OLFM2: variants seen among roughly 807,000 people sequenced by gnomAD.
The protein encoded by OLFM2 is olfactomedin 2.
A neutral mutation model predicts 43.9 loss-of-function variants in OLFM2; 20 were observed. The ratio of observed to expected loss-of-function variants is 0.46; its 90% CI spans 0.32 to 0.66. The LOEUF (loss-of-function observed/expected upper bound fraction) is 0.66, where lower values mean the gene tolerates loss of function less well. OLFM2 is among the 30% of genes least tolerant of loss of function. The probability of loss-of-function intolerance (pLI) is 0.04; values close to 1 mark genes in which losing one functional copy is unlikely to be tolerated. For synonymous variants in OLFM2, 268 were observed against 278.6 expected, an observed-to-expected ratio of 0.96 and a Z score of 0.38; for missense variants, 416 against 643.6, an observed-to-expected ratio of 0.65 and a Z score of 3.83.
chr19:9,907,261 C>T (rs779673541), intron 1 of OLFM2, among the ~76,000 whole-genome samples: 10 of 152,066 alleles, frequency 6.6e-5, no homozygotes, highest in Non-Finnish European at 1.2e-4. Flanking sequence ...TTGAGACCAG[C>T]CTGGCTAACA....
intron 1 of OLFM2, among the ~76,000 whole-genome samples, chr19:9,887,986 T>A (rs1186144122): frequency 1.3e-5 from 2 of 151,372 alleles, no homozygotes; most frequent in African/African-American, 2.4e-5. Flanking sequence ...TGAGCCATGA[T>A]CTCTCCTTGT....
chr19:9,933,552 C>CTT (rs34411076), intron 1 of OLFM2, among the ~76,000 whole-genome samples: 45 of 79,014 alleles, frequency 5.7e-4, no homozygotes, highest in East Asian at 1.1e-3. Context: ...TCACTCTAAT[C>CTT]TTTTTTTTTT....
rs189791736 is a variant in OLFM2 at position 9,923,897 on chromosome 19, C to T, written c.63+12407G>A. Among the ~76,000 whole-genome samples the T allele has an allele frequency of 5.3e-5, 8 of 150,454 alleles. No homozygotes were observed. The East Asian group carries it at 8.0e-4, about 15-fold the overall frequency. On this transcript the variant is annotated intron_variant, in intron 1 of 5. Coordinates refer to ENST00000264833, the MANE Select transcript of OLFM2 (RefSeq NM_058164.4). ...GGTGGATTACCTGAGGTCAGGAGTT[C>T]GAGACCAACCTGGCCAACATGTCGA...
intron 1 of OLFM2, among the ~76,000 whole-genome samples, chr19:9,928,004 C>G (rs2086463074): frequency 6.6e-6 from 1 of 151,978 alleles, no homozygotes; most frequent in Non-Finnish European, 1.5e-5. Flanking sequence ...CAAGACCAGC[C>G]TGGGCAACAT....
intron 1 of OLFM2, among the ~76,000 whole-genome samples, chr19:9,874,308 T>C (rs1431304294): frequency 6.8e-6 from 1 of 146,950 alleles, no homozygotes; most frequent in Non-Finnish European, 1.5e-5. Flanking sequence ...CCAGGGAGTT[T>C]TGGAGAATGC....
intron 1 of OLFM2, among the ~76,000 whole-genome samples, chr19:9,883,392 G>C (rs1568375000): frequency 6.6e-6 from 1 of 152,038 alleles, no homozygotes. Flanking sequence ...CCAGCCTAGA[G>C]GCAGGCACGT....
intron 1 of OLFM2, among the ~76,000 whole-genome samples, chr19:9,893,156 A>C (rs917898891): frequency 1.4e-5 from 2 of 141,022 alleles, no homozygotes; most frequent in African/African-American, 2.5e-5. Flanking sequence ...GGCATCTTTT[A>C]TTTTTTTTCT....
intron 1 of OLFM2, among the ~76,000 whole-genome samples, chr19:9,877,680 T>C (rs1174766396): frequency 1.3e-5 from 2 of 152,312 alleles, no homozygotes; most frequent in South Asian, 4.1e-4. Context: ...TTAGTTATCA[T>C]GGCAGTGGGC....
At chr19:9,930,043 A>G (rs979103051) in intron 1 of OLFM2, among the ~76,000 whole-genome samples, 1 of 150,750 alleles carries the variant, frequency 6.6e-6, no homozygotes, top group Non-Finnish European at 1.5e-5. Flanking sequence ...CCATCTCAAA[A>G]AAAAAAAGAA....
intron 1 of OLFM2, chr19:9,913,508 G>T: frequency 1.7e-6 from 2 of 1,159,224 alleles, no homozygotes; most frequent in Non-Finnish European, 2.1e-6. Context: ...GCCCGCACGG[G>T]ACACGGTGCC....
intron 1 of OLFM2, among the ~76,000 whole-genome samples, chr19:9,907,081 C>T (rs2046791411): frequency 6.6e-6 from 1 of 152,196 alleles, no homozygotes; most frequent in Non-Finnish European, 1.5e-5. Context: ...CCACCTCCAT[C>T]TCCAGTCAAC....
intron 1 of OLFM2, among the ~76,000 whole-genome samples, chr19:9,906,379 T>C (rs1456915447): frequency 6.6e-6 from 1 of 152,146 alleles, no homozygotes; most frequent in Admixed American, 6.6e-5. Context: ...TATCCCTTTA[T>C]CGAAGGACAC....
chr19:9,895,031 C>A (rs1025465256), intron 1 of OLFM2, among the ~76,000 whole-genome samples: 1 of 152,140 alleles, frequency 6.6e-6, no homozygotes, highest in Admixed American at 6.6e-5. Flanking sequence ...CCATCTCCAT[C>A]CTCCCCACCC....
intron 1 of OLFM2, among the ~76,000 whole-genome samples, chr19:9,882,389 T>A (rs974289791): frequency 2.0e-5 from 3 of 147,972 alleles, no homozygotes; most frequent in Admixed American, 1.4e-4. Context: ...ATACAAAAAA[T>A]TAGCCAGGCA....
chr19:9,924,096 G>T (rs2145005603), intron 1 of OLFM2, among the ~76,000 whole-genome samples: 1 of 83,398 alleles, frequency 1.2e-5, no homozygotes. Flanking sequence ...CAATAACCTC[G>T]TCTCTACAAA....
At chr19:9,933,520 GAGC>G (rs1471200989) in intron 1 of OLFM2, among the ~76,000 whole-genome samples, 8 of 149,296 alleles carry the variant, frequency 5.4e-5, no homozygotes, top group Non-Finnish European at 1.0e-4. Flanking sequence ...TTACAGGCGT[GAGC>G]CTCCATGCCC....
chr19:9,901,000 G>GAGGGAAGGAGGAA (rs1272892841), intron 1 of OLFM2, among the ~76,000 whole-genome samples: 1 of 23,746 alleles, frequency 4.2e-5, no homozygotes, highest in African/African-American at 2.6e-4. Flanking sequence ...GGGAGGGAGG[G>GAGGGAAGGAGGAA]GGGAGGGAGG....
intron 1 of OLFM2, among the ~76,000 whole-genome samples, chr19:9,882,971 G>A (rs1439695974): frequency 6.6e-6 from 1 of 151,808 alleles, no homozygotes; most frequent in African/African-American, 2.4e-5. Flanking sequence ...GGCCAAGGTG[G>A]GTGGATTACA....
At chr19:9,901,221 AG>A (rs1388538855) in intron 1 of OLFM2, among the ~76,000 whole-genome samples, 2 of 142,516 alleles carry the variant, frequency 1.4e-5, no homozygotes, top group Non-Finnish European at 3.0e-5. Context: ...GAAAGAAAGG[AG>A]AAAAAAAAAA....
Sources: gnomAD v4.1 joint callset for allele counts (sites outside exome capture counted in the v4.1 genomes callset) on GRCh38, gnomAD v4.1.1 for gene constraint, MANE v1.5 for transcripts, NCBI Gene and HGNC (gene_info 2026-07-23, HGNC 2026-07-21) for gene names.